Variants in SSH1 observed in about 807,000 individuals in gnomAD.
SSH1 encodes protein phosphatase Slingshot homolog 1.
A neutral mutation model predicts 79.7 loss-of-function variants in SSH1; 43 were observed. That is an observed-to-expected ratio of 0.54 (90% confidence interval 0.42 to 0.70). The LOEUF (loss-of-function observed/expected upper bound fraction) is 0.70, where lower values mean the gene tolerates loss of function less well. SSH1 is among the 30% of genes least tolerant of loss of function. SSH1 has a pLI of 0.00. For synonymous variants in SSH1, 599 were observed against 538.3 expected (o/e 1.11, Z -1.56); for missense variants, 1,206 against 1,358.8 (o/e 0.89, Z 1.77).
At chr12:108,801,825 C>T (rs1310756547) in intron 11 of SSH1, among the ~76,000 whole-genome samples, 4 of 151,812 alleles carry the variant, frequency 2.6e-5, no homozygotes, top group Admixed American at 2.0e-4. Context: ...TGTCAGACTA[C>T]GACAGGCATA....
At chr12:108,844,617 G>T (rs1397878522) in intron 2 of SSH1, among the ~76,000 whole-genome samples, 1 of 152,196 alleles carries the variant, frequency 6.6e-6, no homozygotes. Flanking sequence ...GCATGCACCC[G>T]AGTGAGCCTT....
At position 108,778,815 on chromosome 12, in the gene SSH1, A is replaced by G. The variant is rs769377244; in HGVS notation, c.*9173T>C. The G allele has an allele frequency of 2.6e-5, 4 of 152,390 alleles. No homozygotes were observed. Among genetic ancestry groups the G allele is most frequent in the African/African-American group, 4.8e-5 (2 of 41,352 alleles). 9.4% of individuals were successfully genotyped at this position (152,390 alleles called of 1,614,324 possible). On this transcript the variant is annotated 3_prime_UTR_variant, in exon 15 of 15. Transcript: ENST00000326495. ...TGTCTTTTTAAAATCTTTTATTTTT[A>G]TTTGTTTTTGAGACACGGTCTTGCT...
At position 108,836,540 on chromosome 12, in the gene SSH1, C is replaced by A. The variant is rs541225083; in HGVS notation, c.111-13179G>T. Among the ~76,000 whole-genome samples the A allele has an allele frequency of 5.6e-4, 85 of 152,272 alleles. No individual in the cohort carries two copies. The South Asian group carries it at 6.2e-3, about 11-fold the overall frequency. On this transcript the variant is annotated intron_variant, in intron 2 of 14. Transcript: ENST00000326495. ...AGATCCCACTGGCCCTAACTGTCCACAAGGACAATTTGAGCAAGGATGTCA... is the reference window on the plus strand; with the variant it reads ...AGATCCCACTGGCCCTAACTGTCCAAAAGGACAATTTGAGCAAGGATGTCA...
At chr12:108,802,012 G>C (rs1281389229) in intron 11 of SSH1, among the ~76,000 whole-genome samples, 3 of 151,968 alleles carry the variant, frequency 2.0e-5, no homozygotes, top group African/African-American at 7.3e-5. Flanking sequence ...GAAGCGGGGT[G>C]GGGGTGAGGC....
At chr12:108,840,046 C>A (rs948965619) in intron 2 of SSH1, among the ~76,000 whole-genome samples, 3 of 152,222 alleles carry the variant, frequency 2.0e-5, no homozygotes, top group African/African-American at 7.2e-5. Context: ...TCTGACCACA[C>A]GCAGGCTCTC....
At chr12:108,854,197 G>C (rs1243622281) in intron 1 of SSH1, among the ~76,000 whole-genome samples, 1 of 152,312 alleles carries the variant, frequency 6.6e-6, no homozygotes, top group Middle Eastern at 3.4e-3. Context: ...GGTCACTACT[G>C]GCACCTAGTG....
At chr12:108,801,653 T>C (rs904615527) in intron 11 of SSH1, among the ~76,000 whole-genome samples, 3 of 152,058 alleles carry the variant, frequency 2.0e-5, no homozygotes, top group Non-Finnish European at 4.4e-5. Context: ...TAAGATTTGT[T>C]TAGTCTTGAT....
In SSH1 at chr12:108,781,043, G is replaced by GA. The variant is rs1322010269; in HGVS notation, c.*6944dup. 0.016 allele frequency: 2,122 copies of GA among 131,032 alleles called. 43 individuals are homozygous for GA. Among genetic ancestry groups the GA allele is most frequent in the African/African-American group, 0.053 (1,908 of 36,334 alleles). The allele number at this position is 131,032 out of a possible 1,614,324, so 8.1% of individuals were successfully genotyped here. On this transcript the variant is annotated 3_prime_UTR_variant, in exon 15 of 15. Transcript: ENST00000326495. Reference sequence around the variant, plus strand: ...ACAAGAGCTAAACTCCATCTCAAAAGAAAAAAAAAAAAGAAGCATCCCACT... The same window carrying GA: ...ACAAGAGCTAAACTCCATCTCAAAAGAAAAAAAAAAAAAGAAGCATCCCACT...
At chr12:108,798,900 G>T in intron 13 of SSH1, 100 bp downstream of exon 13, 5 of 1,414,268 alleles carry the variant, frequency 3.5e-6, no homozygotes, top group Non-Finnish European at 4.9e-6. Flanking sequence ...CTGCTGGGCC[G>T]AATGGGAGCA....
At chr12:108,826,817 T>C (rs2038329048) in intron 2 of SSH1, among the ~76,000 whole-genome samples, 3 of 152,184 alleles carry the variant, frequency 2.0e-5, no homozygotes, top group Non-Finnish European at 1.5e-5. Flanking sequence ...ACGCTCACTT[T>C]ACCAGGTGTC....
chr12:108,847,791 G>T (rs1479554952), intron 2 of SSH1, among the ~76,000 whole-genome samples: 1 of 152,210 alleles, frequency 6.6e-6, no homozygotes, highest in Admixed American at 6.5e-5. Context: ...CAAAGGCAGA[G>T]AAATGAGGCC....
chr12:108,826,142 G>C (rs1204670228), intron 2 of SSH1: 1 of 455,294 alleles, frequency 2.2e-6, no homozygotes, highest in Admixed American at 2.4e-5. Flanking sequence ...AACCATTAAC[G>C]ATGACCTTTG....
rs575424530 is a variant in SSH1, at chr12:108,788,032, C to T, written c.3106G>A (p.Ala1036Thr). The T allele has an allele frequency of 1.7e-5, 27 of 1,614,064 alleles. No individual in the cohort carries two copies. Among genetic ancestry groups the T allele is most frequent in the South Asian group, 5.5e-5 (5 of 91,076 alleles). The change falls in exon 15 of 15, where the codon GCC (alanine) becomes ACC (threonine). Residue 1036 changes from alanine (A) to threonine (T), a missense_variant. Ala to Thr is a moderately conservative substitution (Grantham distance 58). Coordinates refer to ENST00000326495, the MANE Select transcript of SSH1 (RefSeq NM_018984.4). ...GAAGGGCTCTTTAAGTTTTCTGGGGCGGGTTTCCCTGATGGTTTGGAGGTT... is the reference window on the plus strand; with the variant it reads ...GAAGGGCTCTTTAAGTTTTCTGGGGTGGGTTTCCCTGATGGTTTGGAGGTT... ...AATSKPSGKP[A>T]PENLKSPSWM...
intron 3 of SSH1, among the ~76,000 whole-genome samples, chr12:108,819,349 A>G (rs937130330): frequency 1.3e-5 from 2 of 152,244 alleles, no homozygotes; most frequent in African/African-American, 4.8e-5. Context: ...CTTACTGGCC[A>G]TGAGTCTCGC....
intron 2 of SSH1, chr12:108,833,642 C>T (rs1300019171): frequency 6.6e-6 from 1 of 152,248 alleles, no homozygotes; most frequent in Non-Finnish European, 1.5e-5. Flanking sequence ...GCACCCGGCT[C>T]TGTGCTGCAT....
At chr12:108,796,765 G>A (rs1309098552) in intron 13 of SSH1, among the ~76,000 whole-genome samples, 1 of 149,484 alleles carries the variant, frequency 6.7e-6, no homozygotes, top group African/African-American at 2.5e-5. Flanking sequence ...TTTTTTAGAC[G>A]AAGTTTTGCT....
At chr12:108,837,320 G>C (rs1255336573) in intron 2 of SSH1, among the ~76,000 whole-genome samples, 1 of 152,226 alleles carries the variant, frequency 6.6e-6, no homozygotes, top group Non-Finnish European at 1.5e-5. Flanking sequence ...CCAAGAGACA[G>C]GATAACTAGA....
Position 108,788,607 on chromosome 12 carries a change from C to G in SSH1, c.2531G>C (p.Arg844Thr). 6.2e-7 allele frequency: 1 copy of G among 1,609,286 alleles called. No homozygotes were observed. Among genetic ancestry groups the G allele is most frequent in the Non-Finnish European group, 8.5e-7 (1 of 1,176,256 alleles). Residue 844 changes from arginine to threonine, a missense_variant, in exon 15 of 15, where the codon AGG (arginine) becomes ACG (threonine). By Grantham distance (71) the Arg-to-Thr change is moderately conservative. This residue lies in a region of SSH1 where 709 missense variants were observed against 730.6 expected (regional missense o/e 0.97). Coordinates refer to ENST00000326495, the MANE Select transcript of SSH1 (RefSeq NM_018984.4). ...SVPADPAPPS[R>T]DGPASRLEAS... Reference sequence around the variant, plus strand: ...CTCCAGCCTGCTGGCAGGGCCATCCCTGGAGGGAGGTGCTGGGTCTGCAGG... The same window carrying G: ...CTCCAGCCTGCTGGCAGGGCCATCCGTGGAGGGAGGTGCTGGGTCTGCAGG...
chr12:108,785,955 T>G lies in SSH1; in HGVS notation c.*2033A>C, dbSNP rs932284690. 6.6e-6 allele frequency: 1 copy of G among 152,160 alleles called. No individual in the cohort carries two copies. Among genetic ancestry groups the G allele is most frequent in the African/African-American group, 2.4e-5 (1 of 41,448 alleles). The allele number at this position is 152,160 out of a possible 1,614,324, so 9.4% of individuals were successfully genotyped here. A position where few individuals can be genotyped will look rare whatever the true frequency, so the allele number is the denominator to read the frequency against. ...AGTGGATAATCACCTTTTAAGGTGATTTTAATTGACACTAGTGGGAAAACA... is the reference window on the plus strand; with the variant it reads ...AGTGGATAATCACCTTTTAAGGTGAGTTTAATTGACACTAGTGGGAAAACA... On this transcript the variant is annotated 3_prime_UTR_variant, in exon 15 of 15. Transcript: ENST00000326495.
Sources: gnomAD v4.1 joint callset for allele counts (sites outside exome capture counted in the v4.1 genomes callset) on GRCh38, gnomAD v4.1.1 for gene constraint, gnomAD v4.1.1 regional missense constraint, MANE v1.5 for transcripts, NCBI Gene and HGNC (gene_info 2026-07-23, HGNC 2026-07-21) for gene names.